ELAVL4: variants seen among roughly 807,000 people sequenced by gnomAD.
ELAVL4 encodes the protein ELAV like RNA binding protein 4, also known as ELAV-like protein 4.
In ELAVL4, 1 loss-of-function variant was observed where a neutral mutation model predicts 35.6. The ratio of observed to expected loss-of-function variants is 0.03; its 90% confidence interval spans 0.01 to 0.13. ELAVL4 has a LOEUF of 0.13. Ranked by LOEUF, ELAVL4 falls within the 10% of genes least tolerant of loss-of-function variation. ELAVL4 has a pLI of 1.00. For synonymous variants in ELAVL4, 156 were observed against 171.0 expected (o/e 0.91, Z 0.69); for missense variants, 267 against 464.9 (o/e 0.57, Z 3.91).
intron 4 of ELAVL4, among the ~76,000 whole-genome samples, chr1:50,194,953 C>T (rs1377390549): frequency 6.6e-6 from 1 of 152,128 alleles, no homozygotes; most frequent in African/African-American, 2.4e-5. Flanking sequence ...TGGTGTGAGC[C>T]TCAATAGGGA....
At chr1:50,185,130 C>G (rs1243063030) in intron 3 of ELAVL4, among the ~76,000 whole-genome samples, 5 of 152,164 alleles carry the variant, frequency 3.3e-5, no homozygotes, top group Non-Finnish European at 7.3e-5. Flanking sequence ...ATCAGTGGCC[C>G]TGCGGATTAA....
intron 1 of ELAVL4, among the ~76,000 whole-genome samples, chr1:50,061,620 C>T (rs1557681144): frequency 6.6e-6 from 1 of 152,158 alleles, no homozygotes; most frequent in Non-Finnish European, 1.5e-5. Flanking sequence ...TAAGAGGAAG[C>T]TTATGTTTGT....
chr1:50,167,777 T>G (rs1048832618), intron 2 of ELAVL4, among the ~76,000 whole-genome samples: 2 of 152,158 alleles, frequency 1.3e-5, no homozygotes, highest in Non-Finnish European at 2.9e-5. Context: ...AAAATCCTCC[T>G]CTGCTGAAGT....
intron 1 of ELAVL4, among the ~76,000 whole-genome samples, chr1:50,072,455 C>A (rs915185379): frequency 1.3e-5 from 2 of 152,212 alleles, no homozygotes; most frequent in African/African-American, 4.8e-5. Flanking sequence ...CCCGCTGGGC[C>A]TTCTCACTGT....
chr1:50,118,846 G>A (rs564749068), intron 1 of ELAVL4, among the ~76,000 whole-genome samples: 2 of 151,094 alleles, frequency 1.3e-5, no homozygotes, highest in African/African-American at 2.4e-5. Flanking sequence ...AAGGGAAGTC[G>A]ATTTTTTTCT....
intron 1 of ELAVL4, among the ~76,000 whole-genome samples, chr1:50,096,956 CTG>C (rs1665742119): frequency 6.6e-6 from 1 of 152,168 alleles, no homozygotes; most frequent in African/African-American, 2.4e-5. Flanking sequence ...TGGTGCATGC[CTG>C]TAATCCCAGC....
At chr1:50,174,952 T>A (rs1015970454) in intron 2 of ELAVL4, among the ~76,000 whole-genome samples, 1 of 152,098 alleles carries the variant, frequency 6.6e-6, no homozygotes, top group African/African-American at 2.4e-5. Context: ...TGTTAAGTGG[T>A]GTTTTGTTTA....
At chr1:50,070,460 T>A (rs1440755035) in intron 1 of ELAVL4, among the ~76,000 whole-genome samples, 4 of 151,126 alleles carry the variant, frequency 2.6e-5, no homozygotes. Flanking sequence ...AATGCCACCG[T>A]GGCTGGGCGC....
chr1:50,065,983 G>A (rs1331592351), intron 1 of ELAVL4, among the ~76,000 whole-genome samples: 2 of 152,126 alleles, frequency 1.3e-5, no homozygotes, highest in African/African-American at 4.8e-5. Flanking sequence ...AAGTGACACG[G>A]TGGAATTTCT....
At chr1:50,125,555 G>A (rs1669764941) in intron 1 of ELAVL4, among the ~76,000 whole-genome samples, 1 of 152,062 alleles carries the variant, frequency 6.6e-6, no homozygotes, top group Non-Finnish European at 1.5e-5. Flanking sequence ...GGACTGAGGT[G>A]TCTGAGCCTC....
intron 6 of ELAVL4, 81 bp from the exon 7 acceptor site, chr1:50,200,770 A>ATGTCTG (rs1557872848): frequency 1.3e-6 from 2 of 1,558,764 alleles, no homozygotes; most frequent in Non-Finnish European, 1.7e-6. Flanking sequence ...CCTCTGCCCC[A>ATGTCTG]TGTCTGTGTC....
chr1:50,071,991 A>G (rs1664552472), intron 1 of ELAVL4, among the ~76,000 whole-genome samples: 1 of 152,200 alleles, frequency 6.6e-6, no homozygotes, highest in South Asian at 2.1e-4. Flanking sequence ...TATTAATATT[A>G]ACATTATTAA....
intron 1 of ELAVL4, among the ~76,000 whole-genome samples, chr1:50,055,480 T>C (rs1039042783): frequency 6.6e-6 from 1 of 151,892 alleles, no homozygotes; most frequent in African/African-American, 2.4e-5. Context: ...TTTGTATTTT[T>C]AGTAGAGACG....
At chr1:50,143,161 G>A (rs2148682178) in intron 1 of ELAVL4, among the ~76,000 whole-genome samples, 1 of 152,288 alleles carries the variant, frequency 6.6e-6, no homozygotes, top group African/African-American at 2.4e-5. Context: ...TCTGTATTGT[G>A]ATCTGAAAGG....
At position 50,185,284 on chromosome 1, in the gene ELAVL4, C is replaced by T. The variant is rs572104493; in HGVS notation, c.354+8092C>T. 9.8e-4 allele frequency among the ~76,000 whole-genome samples: 150 copies of T among 152,326 alleles called. 1 individual carries two copies. Among genetic ancestry groups the T allele is most frequent in the Admixed American group, 6.6e-3 (101 of 15,302 alleles). On this transcript the variant is annotated intron_variant, in intron 3 of 6. Coordinates refer to ENST00000371824, the MANE Select transcript of ELAVL4 (RefSeq NM_001144774.3). Reference sequence around the variant, plus strand: ...GTTCAGATGGAAAGTCAAGTTCCAGCTCTGTCAAAAACTGCTAAGGATGAC... The same window carrying T: ...GTTCAGATGGAAAGTCAAGTTCCAGTTCTGTCAAAAACTGCTAAGGATGAC...
upstream of ELAVL4, among the ~76,000 whole-genome samples, chr1:50,103,578 G>A (rs1214630115): frequency 6.6e-6 from 1 of 152,190 alleles, no homozygotes; most frequent in African/African-American, 2.4e-5. Context: ...CAGCAGTCTA[G>A]GTTTATTTTT....
chr1:50,121,562 G>C (rs537395186), intron 1 of ELAVL4, among the ~76,000 whole-genome samples: 1 of 152,108 alleles, frequency 6.6e-6, no homozygotes, highest in East Asian at 1.9e-4. Flanking sequence ...TGTTCAATAT[G>C]TTCCTTACTT....
intron 1 of ELAVL4, among the ~76,000 whole-genome samples, chr1:50,074,174 C>A (rs1006657168): frequency 6.6e-6 from 1 of 152,186 alleles, no homozygotes; most frequent in Admixed American, 6.5e-5. Flanking sequence ...AGCCAAATTC[C>A]CTTAGAGTAA....
rs180691557 is a variant in ELAVL4 at position 50,193,705 on chromosome 1, C to G, written c.355-60C>G. On this transcript the variant is annotated intron_variant, in intron 3 of 6. Coordinates refer to ENST00000371824, the MANE Select transcript of ELAVL4 (RefSeq NM_001144774.3). ...GGGGCTGTCATCTTGGTTGTGGACT[C>G]AGCATCTACTCTGAGGGTGATTGCC... 58 of 1,554,968 alleles carry G rather than the reference C, an allele frequency of 3.7e-5. No homozygotes were observed. The African/African-American group carries it at 7.5e-4, about 20-fold the overall frequency.
Sources: allele counts gnomAD v4.1 joint callset (sites outside exome capture counted in the v4.1 genomes callset), GRCh38; gene constraint gnomAD v4.1.1; transcripts MANE v1.5; gene names NCBI Gene and HGNC (gene_info 2026-07-23, HGNC 2026-07-21).